ANTXR1: variants seen among roughly 807,000 people sequenced by gnomAD.
ANTXR1 encodes anthrax toxin receptor 1.
A neutral mutation model predicts 78.1 loss-of-function variants in ANTXR1; 19 were observed. That is an observed-to-expected ratio of 0.24 (90% CI 0.17 to 0.36). The LOEUF is 0.36. Among genes scored for constraint, ANTXR1 ranks in the 10% least tolerant of loss-of-function variants. ANTXR1 has a pLI of 1.00. For missense variants in ANTXR1, 518 were observed against 718.6 expected (o/e 0.72, Z 3.19); for synonymous variants, 273 against 260.5 (o/e 1.05, Z -0.46).
At chr2:69,090,697 T>C in intron 8 of ANTXR1, 162 bp from the exon 9 acceptor site, 1 of 667,594 alleles carries the variant, frequency 1.5e-6, no homozygotes, top group Admixed American at 2.2e-5. Context: ...AATAAATGTT[T>C]GGTATTGGTA....
At chr2:69,143,262 CA>C (rs894098705) in intron 12 of ANTXR1, among the ~76,000 whole-genome samples, 2 of 152,084 alleles carry the variant, frequency 1.3e-5, no homozygotes, top group Admixed American at 6.5e-5. Flanking sequence ...ATGAAGTAGA[CA>C]GGGGCAGATT....
At chr2:69,218,631 T>C (rs1675238709) in intron 17 of ANTXR1, among the ~76,000 whole-genome samples, 1 of 152,180 alleles carries the variant, frequency 6.6e-6, no homozygotes, top group Non-Finnish European at 1.5e-5. Flanking sequence ...ACTTATGCCA[T>C]CTAGGTGAAA....
At chr2:69,096,634 G>A (rs1462032420) in intron 9 of ANTXR1, among the ~76,000 whole-genome samples, 2 of 152,014 alleles carry the variant, frequency 1.3e-5, no homozygotes, top group African/African-American at 2.4e-5. Flanking sequence ...TATCTGATCT[G>A]CATATATATT....
At chr2:69,156,802 A>G (rs1463649844) in intron 13 of ANTXR1, among the ~76,000 whole-genome samples, 3 of 152,244 alleles carry the variant, frequency 2.0e-5, no homozygotes, top group African/African-American at 7.2e-5. Flanking sequence ...CCATGATCCA[A>G]TCACTTGATG....
chr2:69,200,837 T>G (rs1674757536), intron 17 of ANTXR1, among the ~76,000 whole-genome samples: 2 of 152,168 alleles, frequency 1.3e-5, no homozygotes, highest in South Asian at 4.1e-4. Flanking sequence ...ATAAACCCAT[T>G]CACAGTAACT....
chr2:69,188,589 G>T (rs1674478994), intron 16 of ANTXR1, among the ~76,000 whole-genome samples: 1 of 152,234 alleles, frequency 6.6e-6, no homozygotes, highest in Non-Finnish European at 1.5e-5. Context: ...GTCAAAATTT[G>T]TCAACTTCAA....
intron 8 of ANTXR1, among the ~76,000 whole-genome samples, chr2:69,079,338 C>T (rs77262207): frequency 0.05 from 7,576 of 152,038 alleles, 598 homozygotes; most frequent in African/African-American, 0.17. Context: ...GACTGGGGGC[C>T]GATCATGGAT....
At chr2:69,033,626 C>T (rs1055529190) in intron 1 of ANTXR1, among the ~76,000 whole-genome samples, 1 of 152,108 alleles carries the variant, frequency 6.6e-6, no homozygotes, top group Admixed American at 6.5e-5. Flanking sequence ...ATGTCTGTAT[C>T]CTTCCAGGAT....
chr2:69,088,635 T>C (rs997067251), intron 8 of ANTXR1, among the ~76,000 whole-genome samples: 2 of 152,048 alleles, frequency 1.3e-5, no homozygotes, highest in East Asian at 1.9e-4. Context: ...AGTTCAGGGA[T>C]TGGCAAATGG....
intron 17 of ANTXR1, among the ~76,000 whole-genome samples, chr2:69,237,989 G>A (rs1449066013): frequency 6.6e-6 from 1 of 152,148 alleles, no homozygotes; most frequent in African/African-American, 2.4e-5. Flanking sequence ...AACAATGAGG[G>A]CAGGGCAGAA....
rs1298059326 is a variant in ANTXR1, at chr2:69,075,687, A to G, written c.561+29A>G. The G allele has an allele frequency of 2.5e-6, 4 of 1,593,122 alleles. No individual in the cohort carries two copies. The South Asian group carries it at 4.4e-5, about 18-fold the overall frequency. The stretch of plus-strand genomic sequence containing the variant: ...TGGTAATGGATTTCCTCAGGTTTGG[A>G]GCATACTGAGCTTGTGAATCATGAA... On this transcript the variant is annotated intron_variant, in intron 7 of 17. Coordinates refer to ENST00000303714, the MANE Select transcript of ANTXR1 (RefSeq NM_032208.3).
chr2:69,180,150 G>C (rs939212214), intron 14 of ANTXR1, among the ~76,000 whole-genome samples: 10 of 152,180 alleles, frequency 6.6e-5, no homozygotes, highest in Non-Finnish European at 5.9e-5. Flanking sequence ...TTTCTGCTTT[G>C]CTTTGTCACC....
chr2:69,203,384 G>C (rs1467132932), intron 17 of ANTXR1, among the ~76,000 whole-genome samples: 1 of 152,186 alleles, frequency 6.6e-6, no homozygotes, highest in Non-Finnish European at 1.5e-5. Flanking sequence ...GGGGACATGA[G>C]TACTTAGAAT....
rs371626962 is a variant in ANTXR1, at chr2:69,013,452, C to G, written c.-48C>G. ...GCGTCCCTGAGGGTCGTGGCGAGTT[C>G]GCGGAGCGTGGGAAGGAGCGGACCC... On this transcript the variant is annotated 5_prime_UTR_variant, in exon 1 of 18. Coordinates refer to ENST00000303714, the MANE Select transcript of ANTXR1 (RefSeq NM_032208.3). This position sits in a 1 kb window ranked among gnomAD's most constrained non-coding sequence, Gnocchi z 5.0. The G allele has an allele frequency of 1.1e-4, 174 of 1,575,570 alleles. No homozygotes were observed. Among genetic ancestry groups the G allele is most frequent in the Admixed American group, 3.6e-4 (19 of 52,298 alleles).
At chr2:69,077,316 C>G in intron 7 of ANTXR1, 92 bp from the exon 8 acceptor site, 3 of 1,361,804 alleles carry the variant, frequency 2.2e-6, no homozygotes, top group African/African-American at 1.4e-5. Context: ...CTGAATATAA[C>G]TAGAGCCCCT....
intron 4 of ANTXR1, among the ~76,000 whole-genome samples, chr2:69,071,519 G>A (rs1236624820): frequency 6.6e-6 from 1 of 152,198 alleles, no homozygotes; most frequent in East Asian, 1.9e-4. Context: ...TGTCATATTT[G>A]TAGTCTGTCC....
chr2:69,173,722 A>C (rs1674049146), intron 14 of ANTXR1, among the ~76,000 whole-genome samples: 1 of 152,208 alleles, frequency 6.6e-6, no homozygotes, highest in Non-Finnish European at 1.5e-5. Flanking sequence ...AATATCAAGC[A>C]TATTTGAAAG....
At chr2:69,240,812 G>GT (rs113432918) in intron 17 of ANTXR1, among the ~76,000 whole-genome samples, 12,784 of 151,894 alleles carry the variant, frequency 0.084, 1,835 homozygotes, top group African/African-American at 0.29. Flanking sequence ...TGAGACTTTA[G>GT]TTTTTTTTCT....
At chr2:69,014,737 A>G (rs1386243141) in intron 1 of ANTXR1, among the ~76,000 whole-genome samples, 2 of 152,186 alleles carry the variant, frequency 1.3e-5, no homozygotes, top group South Asian at 2.1e-4. Flanking sequence ...CAGACTGGAA[A>G]GTATTTAGGA....
Sources: gnomAD v4.1 joint callset for allele counts (sites outside exome capture counted in the v4.1 genomes callset) on GRCh38, gnomAD v4.1.1 for gene constraint, Gnocchi (gnomAD v3.1) non-coding constraint, MANE v1.5 for transcripts, NCBI Gene and HGNC (gene_info 2026-07-23, HGNC 2026-07-21) for gene names.